Variants in PTPRD observed in about 807,000 individuals in gnomAD.
PTPRD encodes receptor-type tyrosine-protein phosphatase delta.
In PTPRD, 34 loss-of-function variants were observed where a neutral mutation model predicts 214.5. The observed-to-expected ratio is 0.16, with a 90% CI of 0.12 to 0.21. The LOEUF (loss-of-function observed/expected upper bound fraction) is 0.21, where lower values mean the gene tolerates loss of function less well. PTPRD is among the 10% of genes least tolerant of loss of function. The pLI is 1.00. For synonymous variants in PTPRD, 1,128 were observed against 845.7 expected (o/e 1.33, Z -5.79); for missense variants, 2,545 against 2,398.7 (o/e 1.06, Z -1.27).
intron 11 of PTPRD, among the ~76,000 whole-genome samples, chr9:8,788,076 G>C (rs2096065298): frequency 1.3e-5 from 2 of 152,024 alleles, no homozygotes; most frequent in African/African-American, 4.8e-5. Flanking sequence ...CAAAATAAGG[G>C]AGAAATTTTT....
chr9:10,114,502 T>C (rs2098714991), intron 3 of PTPRD, among the ~76,000 whole-genome samples: 1 of 152,082 alleles, frequency 6.6e-6, no homozygotes, highest in Admixed American at 6.6e-5. Context: ...CTCTCTCTCA[T>C]TCTCTCTTCA....
intron 3 of PTPRD, among the ~76,000 whole-genome samples, chr9:10,313,418 A>ACACACACACAC (rs1565224183): frequency 1.3e-5 from 2 of 151,536 alleles, no homozygotes; most frequent in African/African-American, 4.9e-5. Context: ...ACACACACAC[A>ACACACACACAC]AATTTTTAAA....
intron 2 of PTPRD, among the ~76,000 whole-genome samples, chr9:10,427,406 G>C (rs1260514442): frequency 6.6e-6 from 1 of 152,006 alleles, no homozygotes; most frequent in Non-Finnish European, 1.5e-5. Context: ...CCACACTCAG[G>C]TTTTGGTATG....
At chr9:9,481,735 A>G (rs559680440) in intron 8 of PTPRD, among the ~76,000 whole-genome samples, 12 of 152,220 alleles carry the variant, frequency 7.9e-5, no homozygotes, top group Admixed American at 6.5e-4. Context: ...GTTCAGTTCT[A>G]TTCTTGCCCC....
At chr9:9,088,079 A>G (rs1272318454) in intron 10 of PTPRD, among the ~76,000 whole-genome samples, 2 of 150,752 alleles carry the variant, frequency 1.3e-5, no homozygotes, top group Non-Finnish European at 3.0e-5. Flanking sequence ...ACGGGGTTTC[A>G]CCAAGTTGTC....
intron 7 of PTPRD, among the ~76,000 whole-genome samples, chr9:9,706,861 C>T (rs552437778): frequency 6.5e-4 from 99 of 152,108 alleles, no homozygotes; most frequent in African/African-American, 2.3e-3. Context: ...GGTAGTGCTG[C>T]TGGAGGACAT....
chr9:9,828,718 T>C (rs1426269852), intron 5 of PTPRD, among the ~76,000 whole-genome samples: 6 of 150,276 alleles, frequency 4.0e-5, no homozygotes, highest in African/African-American at 1.3e-4. Flanking sequence ...AGCAGGATTT[T>C]TTTTTTTTTT....
At chr9:8,402,011 G>A (rs893978013) in intron 36 of PTPRD, among the ~76,000 whole-genome samples, 1 of 152,168 alleles carries the variant, frequency 6.6e-6, no homozygotes, top group Non-Finnish European at 1.5e-5. Context: ...CTCAGTTAGT[G>A]GTTCTGTGGT....
intron 3 of PTPRD, among the ~76,000 whole-genome samples, chr9:10,083,811 G>C (rs2098282059): frequency 6.6e-6 from 1 of 151,940 alleles, no homozygotes; most frequent in Non-Finnish European, 1.5e-5. Flanking sequence ...TTACAATAGA[G>C]TTCATGCTTC....
chr9:8,427,915 G>C (rs1253846670), intron 35 of PTPRD, among the ~76,000 whole-genome samples: 2 of 152,064 alleles, frequency 1.3e-5, no homozygotes, highest in Non-Finnish European at 2.9e-5. Flanking sequence ...ATGGCACCTA[G>C]ATGAGATAAA....
At chr9:9,286,615 C>G (rs751855154) in intron 9 of PTPRD, among the ~76,000 whole-genome samples, 1 of 151,376 alleles carries the variant, frequency 6.6e-6, no homozygotes, top group Non-Finnish European at 1.5e-5. Flanking sequence ...AAAACATGCT[C>G]TATAGAACCT....
Position 9,954,698 on chromosome 9 carries a change from T to C in PTPRD, c.-471-16088A>G, listed in dbSNP as rs79842239. Among the ~76,000 whole-genome samples, 1,328 of 152,192 alleles carry C rather than the reference T, an allele frequency of 8.7e-3. 20 individuals carry two copies. The highest frequency in any genetic ancestry group is 0.03 in the African/African-American group (1,232 of 41,530). On this transcript the variant is annotated intron_variant, in intron 4 of 45. Coordinates refer to ENST00000381196, the MANE Select transcript of PTPRD (RefSeq NM_002839.4). ...TATAAAATAGTAATCCTCCCTCCCATCTGAAACAGTTCCTATTTTTTATAT... is the reference window on the plus strand; with the variant it reads ...TATAAAATAGTAATCCTCCCTCCCACCTGAAACAGTTCCTATTTTTTATAT...
At chr9:9,227,853 T>G (rs2099960544) in intron 9 of PTPRD, among the ~76,000 whole-genome samples, 1 of 152,088 alleles carries the variant, frequency 6.6e-6, no homozygotes, top group Non-Finnish European at 1.5e-5. Flanking sequence ...AAGCTGAAAC[T>G]TGATTGCAGC....
chr9:9,921,387 C>G (rs1244594179), intron 5 of PTPRD, among the ~76,000 whole-genome samples: 10 of 151,858 alleles, frequency 6.6e-5, no homozygotes, highest in Non-Finnish European at 1.5e-4. Context: ...TTAATTCATT[C>G]CTAACATAAA....
At chr9:8,833,157 T>G (rs928022258) in intron 11 of PTPRD, among the ~76,000 whole-genome samples, 8 of 152,026 alleles carry the variant, frequency 5.3e-5, no homozygotes, top group African/African-American at 1.9e-4. Flanking sequence ...GCTTTAGAGG[T>G]TGAGCTGGGA....
intron 2 of PTPRD, among the ~76,000 whole-genome samples, chr9:10,345,803 T>C (rs747900145): frequency 2.0e-5 from 3 of 152,194 alleles, no homozygotes; most frequent in Non-Finnish European, 4.4e-5. Context: ...CTGAGTCAAA[T>C]GGTATTTCTG....
chr9:9,085,831 A>G (rs1315100047), intron 10 of PTPRD, among the ~76,000 whole-genome samples: 1 of 152,086 alleles, frequency 6.6e-6, no homozygotes, highest in Non-Finnish European at 1.5e-5. Flanking sequence ...CTCTATATTA[A>G]TTTAAGCCTC....
intron 12 of PTPRD, among the ~76,000 whole-genome samples, chr9:8,681,710 G>C (rs1284215532): frequency 6.6e-6 from 1 of 152,108 alleles, no homozygotes; most frequent in Non-Finnish European, 1.5e-5. Flanking sequence ...ATACCCCACT[G>C]CAAACATTCT....
intron 10 of PTPRD, among the ~76,000 whole-genome samples, chr9:9,066,035 T>A (rs2099730560): frequency 6.6e-6 from 1 of 152,196 alleles, no homozygotes; most frequent in Admixed American, 6.5e-5. Flanking sequence ...GATTGTCATC[T>A]CCAATGACAA....
Sources: gnomAD v4.1 joint callset for allele counts (sites outside exome capture counted in the v4.1 genomes callset) on GRCh38, gnomAD v4.1.1 for gene constraint, MANE v1.5 for transcripts, NCBI Gene and HGNC (gene_info 2026-07-23, HGNC 2026-07-21) for gene names.